The following ST3GAL6 variants were observed in gnomAD, a reference collection of about 807,000 sequenced individuals.
ST3GAL6 encodes the protein type 2 lactosamine alpha-2,3-sialyltransferase.
ST3GAL6 carries 31 observed loss-of-function variants against 40.5 expected under a neutral mutation model. That is an observed-to-expected ratio of 0.77 (90% CI 0.58 to 1.03). The LOEUF is 1.03. ST3GAL6 is among the 50% of genes least tolerant of loss of function. The pLI, the probability that ST3GAL6 is intolerant of heterozygous loss-of-function variation, is 0.00. For missense variants in ST3GAL6, 357 were observed against 393.2 expected (o/e 0.91, Z 0.78); for synonymous variants, 129 against 136.9 (o/e 0.94, Z 0.40).
intron 1 of ST3GAL6, among the ~76,000 whole-genome samples, chr3:98,766,003 T>C (rs539848740): frequency 1.3e-5 from 2 of 152,284 alleles, no homozygotes; most frequent in East Asian, 3.9e-4. Context: ...CTTTGCAACT[T>C]GAATACTGAA....
chr3:98,766,164 T>C (rs1241238506), intron 1 of ST3GAL6, among the ~76,000 whole-genome samples: 1 of 152,162 alleles, frequency 6.6e-6, no homozygotes, highest in Non-Finnish European at 1.5e-5. Context: ...AGACCACATA[T>C]TAGTGAATGA....
At chr3:98,753,429 G>C (rs1235095459) in intron 1 of ST3GAL6, among the ~76,000 whole-genome samples, 6 of 152,238 alleles carry the variant, frequency 3.9e-5, no homozygotes, top group African/African-American at 1.4e-4. Flanking sequence ...AAGTTATCCA[G>C]ATCTAGCTAA....
chr3:98,738,004 A>G (rs1935700567), intron 1 of ST3GAL6, among the ~76,000 whole-genome samples: 1 of 152,030 alleles, frequency 6.6e-6, no homozygotes, highest in Admixed American at 6.6e-5. Context: ...GGCAGTTTCT[A>G]ATCGTTTAAC....
At chr3:98,785,156 A>G in intron 6 of ST3GAL6, 116 bp downstream of exon 6, 1 of 644,208 alleles carries the variant, frequency 1.6e-6, no homozygotes, top group East Asian at 2.9e-5. Flanking sequence ...TTTTTTTTTT[A>G]TTGCACAACC....
At chr3:98,756,003 CCT>C (rs1937390714) in intron 1 of ST3GAL6, among the ~76,000 whole-genome samples, 1 of 152,066 alleles carries the variant, frequency 6.6e-6, no homozygotes, top group Non-Finnish European at 1.5e-5. Context: ...TCTCACCTCA[CCT>C]CTGCATTTCA....
At chr3:98,785,812 A>G (rs1576125127) in intron 6 of ST3GAL6, among the ~76,000 whole-genome samples, 1 of 152,190 alleles carries the variant, frequency 6.6e-6, no homozygotes, top group Admixed American at 6.5e-5. Context: ...GAAGAGGCCA[A>G]TTAGGTTGCT....
intron 8 of ST3GAL6, among the ~76,000 whole-genome samples, chr3:98,791,026 T>C (rs1311825702): frequency 2.0e-5 from 3 of 152,202 alleles, no homozygotes; most frequent in Non-Finnish European, 4.4e-5. Context: ...GTAAGTCATA[T>C]GTAATTTCAA....
Position 98,793,991 on chromosome 3 carries a change from A to T in ST3GAL6, c.*230A>T. The T allele has an allele frequency of 3.1e-6, 1 of 324,908 alleles. No homozygotes were observed. Among genetic ancestry groups the T allele is most frequent in the South Asian group, 9.4e-5 (1 of 10,660 alleles). 20.1% of individuals were successfully genotyped at this position (324,908 alleles called of 1,614,324 possible). On this transcript the variant is annotated 3_prime_UTR_variant, in exon 10 of 10. Transcript: ENST00000483910. ...TAAGTTTTGATTGCATTGTTTTTAA[A>T]ATAAGCTAGTTTTCTGAGGTGTTTT... is the stretch of plus-strand genomic sequence containing the variant.
intron 1 of ST3GAL6, among the ~76,000 whole-genome samples, chr3:98,752,620 C>T (rs988315428): frequency 1.1e-4 from 16 of 152,028 alleles, no homozygotes; most frequent in South Asian, 2.1e-4. Flanking sequence ...TACAGGCACC[C>T]GCCACCATGC....
intron 1 of ST3GAL6, chr3:98,756,397 C>T: frequency 7.8e-7 from 1 of 1,289,734 alleles, no homozygotes. Context: ...CAGCACAACC[C>T]TGGGTTTTAG....
In ST3GAL6 at chr3:98,793,721, T is replaced by C; in HGVS notation, c.956T>C (p.Ile319Thr). Reference sequence around the variant, plus strand: ...GCAGAGCAGCTCTTTTTGAAGGACATTATAGAAAAAAACCTCGTAATCAAC... The same window carrying C: ...GCAGAGCAGCTCTTTTTGAAGGACACTATAGAAAAAAACCTCGTAATCAAC... Reference protein sequence around the residue: ...VTAEQLFLKDIIEKNLVINLT... With the variant: ...VTAEQLFLKDTIEKNLVINLT... The change falls in exon 10 of 10, where the codon ATT (isoleucine) becomes ACT (threonine). Residue 319 changes from isoleucine (I) to threonine (T), a missense_variant. Transcript: ENST00000483910. 1 of 1,602,530 alleles carries C rather than the reference T, an allele frequency of 6.2e-7. No homozygotes were observed. Among genetic ancestry groups the C allele is most frequent in the Non-Finnish European group, 8.5e-7 (1 of 1,175,274 alleles).
At chr3:98,792,309 A>G (rs1272330183) in intron 9 of ST3GAL6, among the ~76,000 whole-genome samples, 3 of 152,196 alleles carry the variant, frequency 2.0e-5, no homozygotes, top group African/African-American at 4.8e-5. Context: ...TGTGTTTGAG[A>G]TATTACAAAT....
intron 3 of ST3GAL6, 100 bp from the exon 4 acceptor site, chr3:98,772,713 T>A: frequency 1.4e-6 from 1 of 701,960 alleles, no homozygotes; most frequent in South Asian, 1.9e-5. Flanking sequence ...GCCAGTATAA[T>A]GATATGGATT....
chr3:98,788,533 T>G, intron 8 of ST3GAL6, 70 bp downstream of exon 8: 1 of 1,410,828 alleles, frequency 7.1e-7, no homozygotes. Flanking sequence ...TCCTGGGAAC[T>G]CTCAGAAACT....
Position 98,793,724 on chromosome 3 carries a change from T to C in ST3GAL6, c.959T>C (p.Ile320Thr), listed in dbSNP as rs764506725. 3.1e-5 allele frequency: 50 copies of C among 1,602,992 alleles called. No individual in the cohort carries two copies. The highest frequency in any genetic ancestry group is 4.1e-5 in the Non-Finnish European group (48 of 1,175,520). ...GAGCAGCTCTTTTTGAAGGACATTA[T>C]AGAAAAAAACCTCGTAATCAACTTG... ...TAEQLFLKDI[I>T]EKNLVINLTQ... Residue 320 changes from isoleucine (I) to threonine (T), a missense_variant, in exon 10 of 10, where the codon ATA (isoleucine) becomes ACA (threonine). Physicochemically the swap from Ile to Thr is moderately conservative, Grantham distance 89. Coordinates refer to ENST00000483910, the MANE Select transcript of ST3GAL6 (RefSeq NM_001323368.2).
intron 5 of ST3GAL6, among the ~76,000 whole-genome samples, chr3:98,774,698 C>T (rs1415394850): frequency 6.6e-6 from 1 of 152,308 alleles, no homozygotes; most frequent in South Asian, 2.1e-4. Flanking sequence ...GCAGAACTTA[C>T]CCTCTTGCCC....
chr3:98,761,389 C>T (rs1045478118), upstream of ST3GAL6, among the ~76,000 whole-genome samples: 3 of 152,126 alleles, frequency 2.0e-5, no homozygotes, highest in African/African-American at 7.2e-5. Context: ...GGGTGGATCA[C>T]TTGAGGTTAG....
upstream of ST3GAL6, chr3:98,762,668 TG>T (rs1937917334): frequency 2.0e-6 from 1 of 504,994 alleles, no homozygotes; most frequent in Admixed American, 6.4e-5. Flanking sequence ...ATCATCCCCT[TG>T]TTTTATTTTT....
At chr3:98,757,742 C>T (rs573196682) in intron 1 of ST3GAL6, among the ~76,000 whole-genome samples, 135 of 152,054 alleles carry the variant, frequency 8.9e-4, no homozygotes, top group African/African-American at 3.0e-3. Context: ...TAAAGCCTTT[C>T]GTAAAGGTTG....
Sources: allele counts gnomAD v4.1 joint callset (sites outside exome capture counted in the v4.1 genomes callset), GRCh38; gene constraint gnomAD v4.1.1; transcripts MANE v1.5; gene names NCBI Gene and HGNC (gene_info 2026-07-23, HGNC 2026-07-21).